The following OR6N1 variants were observed in gnomAD, a reference collection of about 807,000 sequenced individuals.
OR6N1 encodes the protein olfactory receptor 6N1.
For synonymous variants in OR6N1, 170 were observed against 150.7 expected, an observed-to-expected ratio of 1.13 and a Z score of -0.94; for missense variants, 394 against 371.7, an observed-to-expected ratio of 1.06 and a Z score of -0.49.
the OR6N1 span, among the ~76,000 whole-genome samples, chr1:158,823,998 C>T: frequency 5.9e-5 from 9 of 152,112 alleles, no homozygotes; most frequent in African/African-American, 2.2e-4. Context: ...AGTTGCTTAA[C>T]TTCCATGTAA....
chr1:158,767,596 A>G (rs1250626237), intron 1 of OR6N1, among the ~76,000 whole-genome samples: 8 of 152,218 alleles, frequency 5.3e-5, no homozygotes, highest in African/African-American at 1.7e-4. Context: ...ATGTTAACAA[A>G]CTAATATTGT....
rs1274753791 is a variant in OR6N1, at chr1:158,766,359, T to G, written c.324A>C (p.Gly108=). Residue 108 remains glycine (G), a synonymous_variant, in exon 2 of 2, where the codon GGA becomes GGC. Coordinates refer to ENST00000641846, the MANE Select transcript of OR6N1 (RefSeq NM_001005185.2). ...LLQIYFFHSL[G]ATECYLLTAM... ...CTGTCAGGAGATAGCACTCAGTCGC[T>G]CCAAGGGAGTGAAAGAAATAGATCT... is the stretch of plus-strand genomic sequence containing the variant. The G allele has an allele frequency of 2.5e-6, 4 of 1,613,844 alleles. No homozygotes were observed. The highest frequency in any genetic ancestry group is 2.5e-6 in the Non-Finnish European group (3 of 1,180,012).
chr1:158,833,312 T>C, the OR6N1 span, among the ~76,000 whole-genome samples: 1 of 152,220 alleles, frequency 6.6e-6, no homozygotes, highest in Non-Finnish European at 1.5e-5. Context: ...ATAATAATTG[T>C]TTTCTTTTAA....
At chr1:158,776,628 T>C, upstream of OR6N1, 2 of 1,036,406 alleles carry the variant, frequency 1.9e-6, no homozygotes, top group Non-Finnish European at 2.9e-6. Flanking sequence ...GGAAGATTAC[T>C]CAAGGAACTT....
At chr1:158,766,780 T>A in intron 1 of OR6N1, 80 bp from the exon 2 acceptor site, 4 of 824,538 alleles carry the variant, frequency 4.9e-6, no homozygotes, top group Non-Finnish European at 5.6e-6. Flanking sequence ...AAATTACTAT[T>A]GCCCTCCCTT....
the OR6N1 span, among the ~76,000 whole-genome samples, chr1:158,840,324 C>T: frequency 7.7e-3 from 1,177 of 152,202 alleles, 16 homozygotes; most frequent in African/African-American, 0.027. Context: ...CAGTTCCGCA[C>T]GGCTGGGGAG....
chr1:158,804,943 C>A, the OR6N1 span, among the ~76,000 whole-genome samples: 1 of 152,040 alleles, frequency 6.6e-6, no homozygotes, highest in East Asian at 1.9e-4. Context: ...ATCCTCAAAT[C>A]ACCTGATTAT....
chr1:158,804,589 T>TAA, the OR6N1 span, among the ~76,000 whole-genome samples: 1 of 152,210 alleles, frequency 6.6e-6, no homozygotes, highest in South Asian at 2.1e-4. Flanking sequence ...AAAAACAGCA[T>TAA]ATGCTTACTA....
the OR6N1 span, chr1:158,795,864 T>C: frequency 6.6e-6 from 1 of 152,296 alleles, no homozygotes. Flanking sequence ...TTCACAGAGT[T>C]TGCGGCTTCT....
the OR6N1 span, among the ~76,000 whole-genome samples, chr1:158,812,120 A>G: frequency 7.2e-5 from 11 of 152,188 alleles, no homozygotes; most frequent in African/African-American, 2.2e-4. Flanking sequence ...AGCTTTATCT[A>G]TGGGTTTTAT....
chr1:158,765,654 C>T lies in OR6N1; in HGVS notation c.*90G>A, dbSNP rs972656172. On this transcript the variant is annotated 3_prime_UTR_variant, in exon 2 of 2. Transcript: ENST00000641846. Reference sequence around the variant, plus strand: ...CTCCACCACCCCACATAGAAAAGCACTGAATTTTTAGTTTCTCGTCTCTGG... The same window carrying T: ...CTCCACCACCCCACATAGAAAAGCATTGAATTTTTAGTTTCTCGTCTCTGG... 15 of 1,088,260 alleles carry T rather than the reference C, an allele frequency of 1.4e-5. No homozygotes were observed. In the African/African-American group the frequency reaches 1.9e-4, roughly 14 times the overall value. 67.4% of individuals were successfully genotyped at this position (1,088,260 alleles called of 1,614,324 possible).
chr1:158,777,180 G>A, upstream of OR6N1: 1 of 1,614,110 alleles, frequency 6.2e-7, no homozygotes, highest in Non-Finnish European at 8.5e-7. Context: ...GACACAGGAA[G>A]CCACAAGTCC....
chr1:158,833,528 T>A, the OR6N1 span, among the ~76,000 whole-genome samples: 1 of 152,172 alleles, frequency 6.6e-6, no homozygotes, highest in Non-Finnish European at 1.5e-5. Flanking sequence ...CTACCTTCTT[T>A]CCCCATAAAT....
chr1:158,765,889 C>T lies in OR6N1; in HGVS notation c.794G>A (p.Ser265Asn). 1 of 1,614,130 alleles carries T rather than the reference C, an allele frequency of 6.2e-7. No individual in the cohort carries two copies. The highest frequency in any genetic ancestry group is 8.5e-7 in the Non-Finnish European group (1 of 1,180,010). ...ILSMYVQLKKSYSLDYDQALA... is the reference protein window; with the variant it reads ...ILSMYVQLKKNYSLDYDQALA... ...GGCCTGGTCATAGTCCAGTGAGTAG[C>T]TCTTCTTCAGCTGCACATACATGGA... The change falls in exon 2 of 2, where the codon AGC (serine) becomes AAC (asparagine). Residue 265 changes from serine (S) to asparagine (N), a missense_variant. By Grantham distance (46) the Ser-to-Asn change is conservative. Coordinates refer to ENST00000641846, the MANE Select transcript of OR6N1 (RefSeq NM_001005185.2).
At chr1:158,794,167 C>CA in the OR6N1 span, among the ~76,000 whole-genome samples, 1 of 152,144 alleles carries the variant, frequency 6.6e-6, no homozygotes, top group African/African-American at 2.4e-5. Context: ...GCTGATTTCC[C>CA]ATAGCAGAAG....
the OR6N1 span, among the ~76,000 whole-genome samples, chr1:158,806,923 A>G: frequency 1.3e-5 from 2 of 150,056 alleles, no homozygotes; most frequent in East Asian, 3.9e-4. Context: ...GAATGGCTTG[A>G]ACTCGGGAGG....
At chr1:158,807,759 TTA>T in the OR6N1 span, among the ~76,000 whole-genome samples, 11 of 152,202 alleles carry the variant, frequency 7.2e-5, no homozygotes, top group African/African-American at 2.7e-4. Flanking sequence ...ACTCCTAGCT[TTA>T]ATTTATCTTC....
chr1:158,770,765 C>T (rs551068311), intron 1 of OR6N1, among the ~76,000 whole-genome samples: 1 of 152,176 alleles, frequency 6.6e-6, no homozygotes, highest in African/African-American at 2.4e-5. Context: ...AGCAAAAACT[C>T]ATATCTTCTC....
the OR6N1 span, among the ~76,000 whole-genome samples, chr1:158,818,577 T>C: frequency 1.3e-5 from 2 of 152,144 alleles, no homozygotes; most frequent in Non-Finnish European, 2.9e-5. Context: ...TGAAAAGCTG[T>C]AGCAATGTGT....
Sources: allele counts gnomAD v4.1 joint callset (sites outside exome capture counted in the v4.1 genomes callset), GRCh38; gene constraint gnomAD v4.1.1; transcripts MANE v1.5; gene names NCBI Gene and HGNC (gene_info 2026-07-23, HGNC 2026-07-21).